RSL1D1: variants seen among roughly 807,000 people sequenced by gnomAD.
The protein encoded by RSL1D1 is ribosomal L1 domain containing 1, also known as ribosomal L1 domain-containing protein 1.
Under a neutral mutation model 44.6 loss-of-function variants are expected in RSL1D1, and 34 were observed. The ratio of observed to expected loss-of-function variants is 0.76; its 90% confidence interval spans 0.58 to 1.02. The LOEUF (loss-of-function observed/expected upper bound fraction) is 1.02, where lower values mean the gene tolerates loss of function less well. Among genes scored for constraint, RSL1D1 ranks in the 50% least tolerant of loss-of-function variants. The probability of loss-of-function intolerance (pLI) is 0.00; values close to 1 mark genes in which losing one functional copy is unlikely to be tolerated. For synonymous variants in RSL1D1, 271 were observed against 207.4 expected, an observed-to-expected ratio of 1.31 and a Z score of -2.63; for missense variants, 767 against 568.1, an observed-to-expected ratio of 1.35 and a Z score of -3.56.
At chr16:11,851,335 G>A (rs1268380897) in intron 1 of RSL1D1, 73 bp downstream of exon 1, 1 of 1,419,120 alleles carries the variant, frequency 7.0e-7, no homozygotes, top group Non-Finnish European at 1.0e-6. Flanking sequence ...CACGCACTCG[G>A]GTTCCGGCAC....
chr16:11,847,177 A>T (rs2053804891), intron 3 of RSL1D1, among the ~76,000 whole-genome samples: 1 of 152,192 alleles, frequency 6.6e-6, no homozygotes, highest in South Asian at 2.1e-4. Flanking sequence ...GGAATTCAAG[A>T]CCAGCCTGGC....
chr16:11,841,743 G>C lies in RSL1D1; in HGVS notation c.807C>G (p.Ser269Arg). 5.0e-6 allele frequency: 8 copies of C among 1,613,906 alleles called. No homozygotes were observed. Among genetic ancestry groups the C allele is most frequent in the Non-Finnish European group, 6.8e-6 (8 of 1,179,944 alleles). Residue 269 changes from serine (S) to arginine (R), a missense_variant, in exon 7 of 9, where the codon AGC (serine) becomes AGG (arginine). Ser to Arg is a moderately radical substitution (Grantham distance 110). Transcript: ENST00000571133. ...ATCTTTTGGTGGCTTCATCCCAATTGCTGACAAACGAGGAAAAGATGGGAA... is the reference window on the plus strand; with the variant it reads ...ATCTTTTGGTGGCTTCATCCCAATTCCTGACAAACGAGGAAAAGATGGGAA... ...AALPIFSSFV[S>R]NWDEATKRSL...
At chr16:11,840,097 C>CCGA in intron 7 of RSL1D1, 112 bp from the exon 8 acceptor site, 9 of 1,436,854 alleles carry the variant, frequency 6.3e-6, no homozygotes, top group South Asian at 4.6e-5. Flanking sequence ...AAATGGACCT[C>CCGA]GATCTATACA....
Position 11,839,999 on chromosome 16 carries a change from CCATA to C in RSL1D1, c.856-18_856-15del. On this transcript the variant is annotated splice_polypyrimidine_tract_variant and intron_variant, in intron 7 of 8. Transcript: ENST00000571133. The stretch of plus-strand genomic sequence containing the variant: ...TCTCCTTGCCTCCTACCAAAAAACA[CCATA>C]CAAACATTTTAGCAGGAACAGTTCT... 2 of 1,608,558 alleles carry C rather than the reference CCATA, an allele frequency of 1.2e-6. No homozygotes were observed. Among genetic ancestry groups the C allele is most frequent in the Admixed American group, 1.7e-5 (1 of 58,820 alleles).
chr16:11,841,101 A>C (rs571000951), intron 7 of RSL1D1, among the ~76,000 whole-genome samples: 5 of 152,306 alleles, frequency 3.3e-5, no homozygotes, highest in African/African-American at 1.2e-4. Context: ...AACTTAACTC[A>C]GGCCCCCTCA....
At chr16:11,839,299 G>A (rs575833309) in intron 8 of RSL1D1, among the ~76,000 whole-genome samples, 56 of 151,776 alleles carry the variant, frequency 3.7e-4, no homozygotes, top group African/African-American at 1.1e-3. Context: ...CAGGGAGGCG[G>A]AGGTTGCAGT....
intron 8 of RSL1D1, 32 bp downstream of exon 8, chr16:11,839,663 T>C: frequency 6.2e-7 from 1 of 1,605,606 alleles, no homozygotes; most frequent in Non-Finnish European, 8.5e-7. Flanking sequence ...ACTGAACCAA[T>C]CCATTATGAA....
At chr16:11,842,074 AAT>A in intron 5 of RSL1D1, 74 bp from the exon 6 acceptor site, 1 of 1,037,406 alleles carries the variant, frequency 9.6e-7, no homozygotes, top group Non-Finnish European at 1.4e-6. Context: ...GTATATGAGA[AAT>A]ATAAATACAT....
At chr16:11,843,318 G>A (rs887718592) in intron 5 of RSL1D1, among the ~76,000 whole-genome samples, 8 of 151,692 alleles carry the variant, frequency 5.3e-5, no homozygotes, top group African/African-American at 1.9e-4. Flanking sequence ...TGATCCACCT[G>A]CCACGGTCTC....
chr16:11,842,289 C>A (rs956985108), intron 5 of RSL1D1, among the ~76,000 whole-genome samples: 1 of 150,804 alleles, frequency 6.6e-6, no homozygotes, highest in African/African-American at 2.4e-5. Context: ...CCAGATCTGG[C>A]GACTGCACTC....
In RSL1D1 at chr16:11,836,008, G is replaced by C. The variant is rs530035911; in HGVS notation, c.*1779C>G. The C allele has an allele frequency of 6.6e-6, 1 of 152,120 alleles. No individual in the cohort carries two copies. Among genetic ancestry groups the C allele is most frequent in the African/African-American group, 2.4e-5 (1 of 41,430 alleles). 9.4% of individuals were successfully genotyped at this position (152,120 alleles called of 1,614,324 possible). On this transcript the variant is annotated 3_prime_UTR_variant, in exon 9 of 9. Coordinates refer to ENST00000571133, the MANE Select transcript of RSL1D1 (RefSeq NM_015659.3). Reference sequence around the variant, plus strand: ...GAATGTCTAGACTTGCTGGCTCCTTGCTCTCCCAGGATCGACTGTAACTTG... The same window carrying C: ...GAATGTCTAGACTTGCTGGCTCCTTCCTCTCCCAGGATCGACTGTAACTTG...
chr16:11,834,192 C>T lies in RSL1D1; in HGVS notation c.*3595G>A, dbSNP rs2053702009. The T allele has an allele frequency of 6.6e-6, 1 of 152,148 alleles. No homozygotes were observed. The highest frequency in any genetic ancestry group is 2.1e-4 in the South Asian group (1 of 4,834). 9.4% of individuals were successfully genotyped at this position (152,148 alleles called of 1,614,324 possible). A position where few individuals can be genotyped will look rare whatever the true frequency, so the allele number is the denominator to read the frequency against. On this transcript the variant is annotated 3_prime_UTR_variant, in exon 9 of 9. Coordinates refer to ENST00000571133, the MANE Select transcript of RSL1D1 (RefSeq NM_015659.3). ...CCTTGGAAACATAGTACAGAATGTA[C>T]CCATTTTAGGATGATTCAACTTTAT... is the stretch of plus-strand genomic sequence containing the variant.
intron 5 of RSL1D1, among the ~76,000 whole-genome samples, chr16:11,846,266 G>A (rs987170862): frequency 1.3e-5 from 2 of 151,062 alleles, no homozygotes; most frequent in East Asian, 2.0e-4. Flanking sequence ...GTGGTGGCAG[G>A]CGCCTGTAGT....
chr16:11,840,772 A>G (rs2053759582), intron 7 of RSL1D1, among the ~76,000 whole-genome samples: 1 of 152,136 alleles, frequency 6.6e-6, no homozygotes, highest in East Asian at 1.9e-4. Context: ...ATACGTGCAC[A>G]TTAGGTGAAC....
intron 7 of RSL1D1, among the ~76,000 whole-genome samples, chr16:11,840,672 C>T (rs1051633164): frequency 6.6e-6 from 1 of 152,174 alleles, no homozygotes; most frequent in Non-Finnish European, 1.5e-5. Flanking sequence ...TCTCTCCTTC[C>T]GAAAGCTTCT....
chr16:11,851,542 T>C lies in RSL1D1; in HGVS notation c.-30A>G, dbSNP rs749108594. 9 of 1,604,136 alleles carry C rather than the reference T, an allele frequency of 5.6e-6. No individual in the cohort carries two copies. Among genetic ancestry groups the C allele is most frequent in the Non-Finnish European group, 6.8e-6 (8 of 1,173,390 alleles). On this transcript the variant is annotated 5_prime_UTR_variant, in exon 1 of 9. Coordinates refer to ENST00000571133, the MANE Select transcript of RSL1D1 (RefSeq NM_015659.3). ...TTTCCACCTCGTGAAGAGGCGCGTG[T>C]GCAACCCCACTGCTGGCTTCTGGTG...
chr16:11,849,450 G>C (rs1233577099), intron 2 of RSL1D1: 1 of 150,880 alleles, frequency 6.6e-6, no homozygotes, highest in Non-Finnish European at 1.5e-5. Context: ...TAAACCAAGA[G>C]GGACCAGCAA....
At chr16:11,850,250 A>T (rs1400801914) in intron 2 of RSL1D1, 29 bp downstream of exon 2, 1 of 1,553,780 alleles carries the variant, frequency 6.4e-7, no homozygotes, top group Non-Finnish European at 8.6e-7. Flanking sequence ...CACAGATAAA[A>T]ACAGCAAAGG....
chr16:11,843,262 G>T (rs879345292), intron 5 of RSL1D1, among the ~76,000 whole-genome samples: 13 of 151,482 alleles, frequency 8.6e-5, no homozygotes, highest in Non-Finnish European at 1.6e-4. Flanking sequence ...GTAGAGATGG[G>T]GTTTCACTGT....
Sources: gnomAD v4.1 joint callset for allele counts (sites outside exome capture counted in the v4.1 genomes callset) on GRCh38, gnomAD v4.1.1 for gene constraint, MANE v1.5 for transcripts, NCBI Gene and HGNC (gene_info 2026-07-23, HGNC 2026-07-21) for gene names.